CNTLN: variants seen among roughly 807,000 people sequenced by gnomAD.
CNTLN encodes centlein.
Under a neutral mutation model 180.0 loss-of-function variants are expected in CNTLN, and 212 were observed. The observed-to-expected ratio is 1.18, with a 90% CI of 1.05 to 1.32. The LOEUF is 1.32. CNTLN is among the 40% of genes most tolerant of loss of function. CNTLN has a pLI of 0.00. For synonymous variants in CNTLN, 722 were observed against 563.1 expected, an observed-to-expected ratio of 1.28 and a Z score of -3.99; for missense variants, 2,095 against 1,610.9, an observed-to-expected ratio of 1.30 and a Z score of -5.14.
Position 17,394,599 on chromosome 9 carries a change from T to A in CNTLN, c.2145T>A (p.Asn715Lys). The A allele has an allele frequency of 6.3e-7, 1 of 1,595,816 alleles. No homozygotes were observed. ...EKRSRKLKEG[N>K]KKLMKENDFL... ...GGTCGAGAAAATTAAAAGAAGGGAA[T>A]AAAAAATTAATGAAAGAAAATGATT... The change falls in exon 15 of 26, where the codon AAT (asparagine) becomes AAA (lysine). Residue 715 changes from asparagine (N) to lysine (K), a missense_variant. Coordinates refer to ENST00000380647, the MANE Select transcript of CNTLN (RefSeq NM_017738.4).
intron 5 of CNTLN, among the ~76,000 whole-genome samples, chr9:17,268,363 C>T (rs1362913653): frequency 2.6e-5 from 4 of 152,150 alleles, no homozygotes; most frequent in African/African-American, 9.7e-5. Context: ...TATTGGTGAC[C>T]CGCAAATGCT....
intron 5 of CNTLN, among the ~76,000 whole-genome samples, chr9:17,273,267 C>G (rs1301589342): frequency 6.6e-6 from 1 of 152,160 alleles, no homozygotes; most frequent in African/African-American, 2.4e-5. Context: ...TGAACACGAT[C>G]TGAGTCTCAA....
chr9:17,402,555 A>T (rs1167215737), intron 15 of CNTLN, among the ~76,000 whole-genome samples: 4 of 151,866 alleles, frequency 2.6e-5, no homozygotes, highest in Non-Finnish European at 5.9e-5. Context: ...GGATGAGATT[A>T]ACATTTAAAT....
rs761937836 is a variant in CNTLN at position 17,332,622 on chromosome 9, T to G, written c.1536T>G (p.Arg512=). The change falls in exon 10 of 26, where the codon CGT becomes CGG. Residue 512 remains arginine (R), a synonymous_variant. Coordinates refer to ENST00000380647, the MANE Select transcript of CNTLN (RefSeq NM_017738.4). ...TTCTCGAGGAACCACCTGTGAAACG[T>G]TCAAGGTCTTTGTCCCCAAAGAGCT... ...EGKHKEPPVK[R]SRSLSPKSSF... is the part of the protein sequence containing the mutation. 5.0e-6 allele frequency: 8 copies of G among 1,608,008 alleles called. No homozygotes were observed. The highest frequency in any genetic ancestry group is 8.5e-7 in the Non-Finnish European group (1 of 1,177,284).
intron 25 of CNTLN, among the ~76,000 whole-genome samples, chr9:17,496,384 G>A (rs1833456786): frequency 6.6e-6 from 1 of 152,112 alleles, no homozygotes; most frequent in Admixed American, 6.5e-5. Context: ...TGTAGATCTT[G>A]GTCTTCTCAT....
At chr9:17,202,777 T>C (rs1822639684) in intron 2 of CNTLN, among the ~76,000 whole-genome samples, 1 of 151,726 alleles carries the variant, frequency 6.6e-6, no homozygotes, top group African/African-American at 2.4e-5. Context: ...CCCATGGGTC[T>C]TGACTCTAAC....
At chr9:17,446,071 G>T (rs932816038) in intron 18 of CNTLN, among the ~76,000 whole-genome samples, 1 of 152,122 alleles carries the variant, frequency 6.6e-6, no homozygotes. Context: ...CTTTGTTCAC[G>T]TGTTTGTCTG....
At chr9:17,342,803 C>A (rs949740950) in intron 12 of CNTLN, among the ~76,000 whole-genome samples, 2 of 152,136 alleles carry the variant, frequency 1.3e-5, no homozygotes, top group African/African-American at 2.4e-5. Context: ...CTTGTTTGAT[C>A]TCCTAGATAC....
chr9:17,510,501 A>G, the CNTLN span, among the ~76,000 whole-genome samples: 2 of 152,166 alleles, frequency 1.3e-5, no homozygotes, highest in African/African-American at 2.4e-5. Context: ...GGATGAGATT[A>G]ACCTTTAAGT....
intron 8 of CNTLN, among the ~76,000 whole-genome samples, chr9:17,312,140 T>G (rs961237915): frequency 6.6e-6 from 1 of 151,882 alleles, no homozygotes; most frequent in African/African-American, 2.4e-5. Flanking sequence ...TGTAGTAATT[T>G]TACTATGAGC....
chr9:17,478,879 G>T (rs1832493443), intron 23 of CNTLN, among the ~76,000 whole-genome samples: 1 of 152,104 alleles, frequency 6.6e-6, no homozygotes, highest in Non-Finnish European at 1.5e-5. Context: ...TAGGCTTGTT[G>T]TATGTTAAAA....
chr9:17,483,332 A>G (rs535654842), intron 23 of CNTLN, among the ~76,000 whole-genome samples: 37 of 10,486 alleles, frequency 3.5e-3, no homozygotes, highest in Non-Finnish European at 9.0e-3. Flanking sequence ...AGAAACAGAT[A>G]CTTTTTATAC....
At chr9:17,177,333 C>T (rs145689458) in intron 2 of CNTLN, among the ~76,000 whole-genome samples, 1,955 of 152,012 alleles carry the variant, frequency 0.013, 43 homozygotes, top group African/African-American at 0.045. Flanking sequence ...GGCGTGAACC[C>T]GGGAGGCGGA....
intron 7 of CNTLN, chr9:17,298,652 A>C: frequency 9.7e-7 from 1 of 1,032,530 alleles, no homozygotes; most frequent in Non-Finnish European, 1.2e-6. Context: ...TATAGTCTCA[A>C]AACTGGAATG....
chr9:17,143,233 T>G (rs2131438485), intron 1 of CNTLN, 55 bp from the exon 2 acceptor site: 1 of 1,230,432 alleles, frequency 8.1e-7, no homozygotes, highest in Admixed American at 1.9e-5. Flanking sequence ...ATGTAGTATC[T>G]TATTTCACTA....
At chr9:17,383,807 T>G (rs1357198654) in intron 13 of CNTLN, among the ~76,000 whole-genome samples, 2 of 151,830 alleles carry the variant, frequency 1.3e-5, no homozygotes, top group Non-Finnish European at 2.9e-5. Flanking sequence ...CCGACTAATT[T>G]TTTTGTATTT....
intron 10 of CNTLN, among the ~76,000 whole-genome samples, chr9:17,340,218 A>C (rs560099237): frequency 6.6e-6 from 1 of 152,148 alleles, no homozygotes; most frequent in Non-Finnish European, 1.5e-5. Flanking sequence ...ACAACAAAGC[A>C]ATGTTTGGAT....
chr9:17,463,320 C>T (rs964492058), intron 20 of CNTLN, among the ~76,000 whole-genome samples: 9 of 151,304 alleles, frequency 5.9e-5, no homozygotes, highest in African/African-American at 2.2e-4. Flanking sequence ...TTATTTGGCC[C>T]CCCAAATATA....
intron 18 of CNTLN, among the ~76,000 whole-genome samples, chr9:17,450,841 T>C (rs947586159): frequency 1.1e-4 from 17 of 152,146 alleles, no homozygotes; most frequent in African/African-American, 3.9e-4. Flanking sequence ...TTTTTGGTTA[T>C]TGGTTTTTAA....
Sources: allele counts gnomAD v4.1 joint callset (sites outside exome capture counted in the v4.1 genomes callset), GRCh38; gene constraint gnomAD v4.1.1; transcripts MANE v1.5; gene names NCBI Gene and HGNC (gene_info 2026-07-23, HGNC 2026-07-21).